The following SNTG1 variants were observed in gnomAD, a reference collection of about 807,000 sequenced individuals.
SNTG1 encodes the protein syntrophin gamma 1.
SNTG1 carries 39 observed loss-of-function variants against 74.7 expected under a neutral mutation model. The observed-to-expected ratio is 0.52, with a 90% confidence interval of 0.40 to 0.68. SNTG1 has a LOEUF of 0.68. SNTG1 is among the 30% of genes least tolerant of loss of function. The pLI, the probability that SNTG1 is intolerant of heterozygous loss-of-function variation, is 0.00. For synonymous variants in SNTG1, 254 were observed against 217.1 expected, an observed-to-expected ratio of 1.17 and a Z score of -1.49; for missense variants, 685 against 609.5, an observed-to-expected ratio of 1.12 and a Z score of -1.30.
intron 2 of SNTG1, among the ~76,000 whole-genome samples, chr8:50,268,845 G>A (rs1018622293): frequency 2.8e-4 from 43 of 151,882 alleles, no homozygotes; most frequent in African/African-American, 1.0e-3. Flanking sequence ...TTATAGTAGA[G>A]AAGAGGTTTT....
At chr8:50,544,343 G>C (rs979450946) in intron 11 of SNTG1, among the ~76,000 whole-genome samples, 2 of 151,684 alleles carry the variant, frequency 1.3e-5, no homozygotes, top group African/African-American at 4.8e-5. Flanking sequence ...ACTTAAAATC[G>C]TATGTTAGAT....
At chr8:50,514,991 G>A (rs1563508103) in intron 9 of SNTG1, among the ~76,000 whole-genome samples, 1 of 152,082 alleles carries the variant, frequency 6.6e-6, no homozygotes, top group Non-Finnish European at 1.5e-5. Flanking sequence ...CTTTGTGAAG[G>A]TTTTTATAGT....
intron 12 of SNTG1, among the ~76,000 whole-genome samples, chr8:50,587,143 A>G (rs141865733): frequency 2.0e-5 from 3 of 151,172 alleles, no homozygotes; most frequent in Admixed American, 1.3e-4. Flanking sequence ...GTGCATGTGT[A>G]TATATATGCA....
intron 1 of SNTG1, among the ~76,000 whole-genome samples, chr8:49,942,676 T>G (rs1808804671): frequency 6.6e-6 from 1 of 152,196 alleles, no homozygotes; most frequent in African/African-American, 2.4e-5. Flanking sequence ...TGTCAGATAT[T>G]CTATGGGATG....
At position 50,472,234 on chromosome 8, in the gene SNTG1, A is replaced by G. The variant is rs148876326; in HGVS notation, c.363+21505A>G. On this transcript the variant is annotated intron_variant, in intron 8 of 18. Coordinates refer to ENST00000642720, the MANE Select transcript of SNTG1 (RefSeq NM_018967.5). ...GAATTGCAAGAGACACCAAAGAGCA[A>G]AAGTTATATTGAAAACCAGGAACAA... Among the ~76,000 whole-genome samples the G allele has an allele frequency of 4.3e-3, 657 of 152,290 alleles. 4 individuals are homozygous for G. Among genetic ancestry groups the G allele is most frequent in the Admixed American group, 6.9e-3 (105 of 15,286 alleles).
chr8:50,782,120 C>T (rs77889158), intron 18 of SNTG1, among the ~76,000 whole-genome samples: 36 of 152,324 alleles, frequency 2.4e-4, no homozygotes, highest in African/African-American at 6.7e-4. Context: ...CGACCTTTCT[C>T]TCTGGCTGCC....
chr8:50,352,356 A>G (rs2091687304), intron 2 of SNTG1, among the ~76,000 whole-genome samples: 1 of 151,630 alleles, frequency 6.6e-6, no homozygotes, highest in Non-Finnish European at 1.5e-5. Flanking sequence ...GTTATTCAAA[A>G]CATCTGACAT....
intron 1 of SNTG1, among the ~76,000 whole-genome samples, chr8:49,990,296 C>T (rs575768476): frequency 5.9e-5 from 9 of 151,946 alleles, no homozygotes; most frequent in African/African-American, 2.2e-4. Flanking sequence ...ACAACACCAA[C>T]AAAAGGAATG....
chr8:50,155,133 G>C (rs2082212462), intron 1 of SNTG1, among the ~76,000 whole-genome samples: 1 of 152,152 alleles, frequency 6.6e-6, no homozygotes, highest in South Asian at 2.1e-4. Context: ...TTGCCACCAT[G>C]CTTGAAACAA....
At chr8:50,318,396 T>C (rs2090396449) in intron 2 of SNTG1, among the ~76,000 whole-genome samples, 1 of 152,242 alleles carries the variant, frequency 6.6e-6, no homozygotes, top group Non-Finnish European at 1.5e-5. Flanking sequence ...ATGCTCCTCG[T>C]GGCCTGAATC....
chr8:50,172,534 CT>C, intron 1 of SNTG1, 26 bp from the exon 2 acceptor site: 1 of 152,068 alleles, frequency 6.6e-6, no homozygotes, highest in Admixed American at 6.6e-5. Flanking sequence ...GCTCATAGGA[CT>C]TATTTTTTTT....
chr8:50,153,343 G>T (rs745815807), intron 1 of SNTG1, among the ~76,000 whole-genome samples: 16 of 152,032 alleles, frequency 1.1e-4, no homozygotes, highest in South Asian at 6.2e-4. Context: ...CTTTGCATTG[G>T]GTTCAAACTT....
chr8:50,178,076 C>T (rs2083065204), intron 2 of SNTG1, among the ~76,000 whole-genome samples: 1 of 152,138 alleles, frequency 6.6e-6, no homozygotes, highest in Non-Finnish European at 1.5e-5. Context: ...ATATGGCATT[C>T]TGTGGTATAC....
chr8:50,353,161 A>G (rs1193980998), intron 2 of SNTG1, among the ~76,000 whole-genome samples: 1 of 151,292 alleles, frequency 6.6e-6, no homozygotes, highest in African/African-American at 2.4e-5. Flanking sequence ...AAGGACAAAA[A>G]ACCAAACGCC....
chr8:50,095,216 A>G (rs1334681162), intron 1 of SNTG1, among the ~76,000 whole-genome samples: 3 of 151,588 alleles, frequency 2.0e-5, no homozygotes, highest in Non-Finnish European at 4.4e-5. Flanking sequence ...TATGCTCACT[A>G]CCTGGGTGAT....
At chr8:50,358,887 T>C (rs1360694422) in intron 2 of SNTG1, among the ~76,000 whole-genome samples, 2 of 152,186 alleles carry the variant, frequency 1.3e-5, no homozygotes, top group African/African-American at 2.4e-5. Flanking sequence ...GAAATTGTCA[T>C]TTCTTATTGT....
chr8:50,024,935 T>C lies in SNTG1; in HGVS notation c.-103+112704T>C, dbSNP rs1346935863. On this transcript the variant is annotated intron_variant, in intron 1 of 18. Coordinates refer to ENST00000642720, the MANE Select transcript of SNTG1 (RefSeq NM_018967.5). ...TGAGATCTCATCACGTTACTCAGTA[T>C]GCATGCAATTTAAAATTCTACAAGT... 7.2e-5 allele frequency among the ~76,000 whole-genome samples: 11 copies of C among 152,250 alleles called. No individual in the cohort carries two copies. The East Asian group carries it at 2.1e-3, about 29-fold the overall frequency.
intron 2 of SNTG1, among the ~76,000 whole-genome samples, chr8:50,199,441 C>A (rs1441852575): frequency 6.6e-6 from 1 of 152,046 alleles, no homozygotes; most frequent in Admixed American, 6.6e-5. Flanking sequence ...TGGTCTCGAA[C>A]TCTTGACCTC....
At position 50,222,022 on chromosome 8, in the gene SNTG1, G is replaced by C. The variant is rs577121787; in HGVS notation, c.-28+49387G>C. Among the ~76,000 whole-genome samples the C allele has an allele frequency of 1.8e-3, 277 of 152,304 alleles. 2 individuals carry two copies. Among genetic ancestry groups the C allele is most frequent in the African/African-American group, 6.3e-3 (261 of 41,556 alleles). On this transcript the variant is annotated intron_variant, in intron 2 of 18. Coordinates refer to ENST00000642720, the MANE Select transcript of SNTG1 (RefSeq NM_018967.5). ...ATTGGTAGGAGATGCAATCTTAGGG[G>C]TGCAGAAAATGGCCTTCATGCACTG...
Sources: allele counts gnomAD v4.1 joint callset (sites outside exome capture counted in the v4.1 genomes callset), GRCh38; gene constraint gnomAD v4.1.1; transcripts MANE v1.5; gene names NCBI Gene and HGNC (gene_info 2026-07-23, HGNC 2026-07-21).